SDCCAG8: variants seen among roughly 807,000 people sequenced by gnomAD.
The protein encoded by SDCCAG8 is serologically defined colon cancer antigen 8.
SDCCAG8 carries 74 observed loss-of-function variants against 101.8 expected under a neutral mutation model. That is an observed-to-expected ratio of 0.73 (90% CI 0.60 to 0.88). The LOEUF (loss-of-function observed/expected upper bound fraction) is 0.88, where lower values mean the gene tolerates loss of function less well. Ranked by LOEUF, SDCCAG8 falls within the 40% of genes least tolerant of loss-of-function variation. The probability of loss-of-function intolerance (pLI) is 0.00; values close to 1 mark genes in which losing one functional copy is unlikely to be tolerated. For synonymous variants in SDCCAG8, 281 were observed against 292.9 expected (o/e 0.96, Z 0.41); for missense variants, 787 against 822.6 (o/e 0.96, Z 0.53).
In SDCCAG8 at chr1:243,462,299, G is replaced by A. The variant is rs535622787; in HGVS notation, c.1986-26715G>A. On this transcript the variant is annotated intron_variant, in intron 16 of 17. Transcript: ENST00000366541. ...TGGAGTGGTGAGCTCCAGTGTTCTC[G>A]TTCCTATCATCCCTGCCTCTAAAAA... Among the ~76,000 whole-genome samples the A allele has an allele frequency of 7.2e-5, 11 of 152,286 alleles. No homozygotes were observed. In the East Asian group the frequency reaches 1.9e-3, roughly 27 times the overall value.
chr1:243,398,100 G>A (rs937293588), intron 13 of SDCCAG8, among the ~76,000 whole-genome samples: 10 of 152,148 alleles, frequency 6.6e-5, no homozygotes, highest in African/African-American at 2.2e-4. Context: ...TAAAGATCTC[G>A]TAAATAATCC....
intron 7 of SDCCAG8, chr1:243,307,760 C>CTA: frequency 7.0e-7 from 1 of 1,424,244 alleles, no homozygotes; most frequent in Non-Finnish European, 9.1e-7. Flanking sequence ...TTACAAGAAC[C>CTA]TAAGCTAATT....
intron 16 of SDCCAG8, among the ~76,000 whole-genome samples, chr1:243,467,857 C>A (rs1660444774): frequency 6.6e-6 from 1 of 152,214 alleles, no homozygotes; most frequent in Non-Finnish European, 1.5e-5. Context: ...ACCCAGTGTT[C>A]ATACACATGT....
At chr1:243,374,904 G>A (rs1437388412) in intron 12 of SDCCAG8, among the ~76,000 whole-genome samples, 2 of 152,002 alleles carry the variant, frequency 1.3e-5, no homozygotes, top group African/African-American at 2.4e-5. Context: ...ATTGATGATT[G>A]TTTAACAGAT....
At chr1:243,495,475 G>A (rs978268296) in intron 17 of SDCCAG8, among the ~76,000 whole-genome samples, 1 of 152,202 alleles carries the variant, frequency 6.6e-6, no homozygotes, top group Non-Finnish European at 1.5e-5. Context: ...GGCCCAGCCG[G>A]GCAGCCAGGA....
chr1:243,280,096 A>C (rs1331685437), intron 4 of SDCCAG8, among the ~76,000 whole-genome samples: 1 of 152,158 alleles, frequency 6.6e-6, no homozygotes, highest in Non-Finnish European at 1.5e-5. Context: ...AGGTTTATTC[A>C]GATTATCTAT....
intron 12 of SDCCAG8, among the ~76,000 whole-genome samples, chr1:243,353,005 A>G (rs1156482639): frequency 6.6e-6 from 1 of 152,184 alleles, no homozygotes; most frequent in Non-Finnish European, 1.5e-5. Context: ...CCTAAACTTC[A>G]TATGTTGCTT....
chr1:243,461,316 T>C (rs1423746761), intron 16 of SDCCAG8, among the ~76,000 whole-genome samples: 1 of 152,198 alleles, frequency 6.6e-6, no homozygotes, highest in Non-Finnish European at 1.5e-5. Flanking sequence ...TAAAATGCAG[T>C]CAAATGTAAG....
intron 13 of SDCCAG8, among the ~76,000 whole-genome samples, chr1:243,395,467 A>C (rs1244127254): frequency 6.6e-6 from 1 of 152,192 alleles, no homozygotes; most frequent in Non-Finnish European, 1.5e-5. Context: ...ACATGAAGAG[A>C]AATTATTTAG....
intron 13 of SDCCAG8, among the ~76,000 whole-genome samples, chr1:243,399,584 G>A (rs1019551257): frequency 6.6e-6 from 1 of 151,918 alleles, no homozygotes; most frequent in East Asian, 1.9e-4. Context: ...TCAGCTTACT[G>A]CAACCTCCGC....
chr1:243,340,073 A>C (rs1033791223), intron 10 of SDCCAG8, among the ~76,000 whole-genome samples: 1 of 152,210 alleles, frequency 6.6e-6, no homozygotes. Flanking sequence ...GAGAAGAAAA[A>C]CTGAGAACCT....
chr1:243,286,437 A>G, intron 5 of SDCCAG8, 40 bp downstream of exon 5: 1 of 1,608,246 alleles, frequency 6.2e-7, no homozygotes, highest in Non-Finnish European at 8.5e-7. Flanking sequence ...TTTTAGTGTG[A>G]ATATTCCCTT....
At chr1:243,382,992 C>A (rs1296729088) in intron 13 of SDCCAG8, among the ~76,000 whole-genome samples, 2 of 152,118 alleles carry the variant, frequency 1.3e-5, no homozygotes, top group Non-Finnish European at 2.9e-5. Context: ...GTGGAGATGT[C>A]CAATGTTGGC....
rs143952237 is a variant in SDCCAG8 at position 243,490,170 on chromosome 1, G to C, written c.2112+1030G>C. ...GACCCTGTGCTCAAGGAACCTGTAA[G>C]TACTGACTTTTCCCACTCGGTCCAA... is the stretch of plus-strand genomic sequence containing the variant. On this transcript the variant is annotated intron_variant, in intron 17 of 17. Coordinates refer to ENST00000366541, the MANE Select transcript of SDCCAG8 (RefSeq NM_006642.5). Among the ~76,000 whole-genome samples, 342 of 152,360 alleles carry C rather than the reference G, an allele frequency of 2.2e-3. 1 individual carries two copies. Among genetic ancestry groups the C allele is most frequent in the African/African-American group, 8.0e-3 (333 of 41,584 alleles).
chr1:243,432,582 A>T (rs981781837), intron 16 of SDCCAG8, among the ~76,000 whole-genome samples: 4 of 152,248 alleles, frequency 2.6e-5, no homozygotes, highest in Admixed American at 2.6e-4. Context: ...TAACAGTAGC[A>T]GTTGAATTTT....
intron 13 of SDCCAG8, among the ~76,000 whole-genome samples, chr1:243,394,516 A>T (rs1302081305): frequency 6.6e-6 from 1 of 152,194 alleles, no homozygotes; most frequent in Non-Finnish European, 1.5e-5. Flanking sequence ...AAGGGGGTGG[A>T]AAAATGAATA....
At chr1:243,383,494 T>A (rs1296126801) in intron 13 of SDCCAG8, among the ~76,000 whole-genome samples, 1 of 152,234 alleles carries the variant, frequency 6.6e-6, no homozygotes, top group Admixed American at 6.5e-5. Context: ...ACATTAGGCA[T>A]TTAAATTGCT....
At chr1:243,292,108 C>T (rs2149294074) in intron 5 of SDCCAG8, among the ~76,000 whole-genome samples, 1 of 152,312 alleles carries the variant, frequency 6.6e-6, no homozygotes, top group South Asian at 2.1e-4. Context: ...GTACACCACC[C>T]TCTTGGCATG....
chr1:243,443,757 A>G (rs2148104642), intron 16 of SDCCAG8, among the ~76,000 whole-genome samples: 1 of 152,246 alleles, frequency 6.6e-6, no homozygotes, highest in Non-Finnish European at 1.5e-5. Flanking sequence ...TGTTTCCATA[A>G]TGGTCCAGAA....
Sources: allele counts gnomAD v4.1 joint callset (sites outside exome capture counted in the v4.1 genomes callset), GRCh38; gene constraint gnomAD v4.1.1; transcripts MANE v1.5; gene names NCBI Gene and HGNC (gene_info 2026-07-23, HGNC 2026-07-21).